The following MAGEB10 variants were observed in gnomAD, a reference collection of about 807,000 sequenced individuals.
The protein encoded by MAGEB10 is MAGE family member B10, also known as melanoma-associated antigen B10.
For missense variants in MAGEB10, 190 were observed against 261.9 expected (o/e 0.73, Z 1.89); for synonymous variants, 99 against 101.0 (o/e 0.98, Z 0.12).
chrX:27,810,603 G>A (rs1010241322), intron 1 of MAGEB10, among the ~76,000 whole-genome samples: 1 of 111,207 alleles, frequency 9.0e-6, no homozygotes, highest in African/African-American at 3.3e-5. Context: ...GGTGGTGGTC[G>A]TGGGGAAGGG....
chrX:27,815,000 C>T (rs749867979), intron 1 of MAGEB10, among the ~76,000 whole-genome samples: 7 of 111,903 alleles, frequency 6.3e-5, no homozygotes, highest in Non-Finnish European at 1.1e-4. Flanking sequence ...GGGGACTGCC[C>T]GTGGGCCTCA....
At chrX:27,816,579 T>G (rs1380233881) in intron 1 of MAGEB10, among the ~76,000 whole-genome samples, 1 of 111,631 alleles carries the variant, frequency 9.0e-6, no homozygotes, top group Admixed American at 9.5e-5. Context: ...AGGAAGAAAT[T>G]TTTCAGTCTC....
intron 2 of MAGEB10, among the ~76,000 whole-genome samples, chrX:27,821,008 C>T (rs1169552318): frequency 1.8e-5 from 2 of 111,351 alleles, no homozygotes; most frequent in Non-Finnish European, 3.8e-5. Flanking sequence ...AAAGGGGCCT[C>T]CACAAAGCCT....
In MAGEB10 at chrX:27,821,554, C is replaced by G. The variant is rs1326694989; in HGVS notation, c.248C>G (p.Pro83Arg). 31 of 1,208,057 alleles carry G rather than the reference C, an allele frequency of 2.6e-5. No homozygotes were observed. The highest frequency in any genetic ancestry group is 3.5e-5 in the Non-Finnish European group (31 of 894,345). Residue 83 changes from proline (P) to arginine (R), a missense_variant, in exon 3 of 3, where the codon CCC becomes CGC. Coordinates refer to ENST00000356790, the MANE Select transcript of MAGEB10 (RefSeq NM_182506.3). Reference sequence around the variant, plus strand: ...ACAGCTGCTTCACACACAAGACATCCCGAAGGAGTCAACGACCAAATGGAA... The same window carrying G: ...ACAGCTGCTTCACACACAAGACATCGCGAAGGAGTCAACGACCAAATGGAA... ...SATAASHTRH[P>R]EGVNDQMEER...
chrX:27,821,070 C>T (rs769624339), intron 2 of MAGEB10, among the ~76,000 whole-genome samples, 188 bp from the exon 3 acceptor site: 3 of 111,901 alleles, frequency 2.7e-5, no homozygotes, highest in Non-Finnish European at 3.8e-5. Context: ...GCAGATCTGG[C>T]AAGTGGCAAC....
intron 1 of MAGEB10, chrX:27,812,972 T>C (rs1316420845): frequency 6.3e-6 from 1 of 158,988 alleles, no homozygotes; most frequent in Non-Finnish European, 1.2e-5. Context: ...ACAGTCAGTG[T>C]TTCACTAGTG....
intron 2 of MAGEB10, 41 bp from the exon 3 acceptor site, chrX:27,821,217 C>T (rs774427741): frequency 1.2e-6 from 1 of 800,675 alleles, no homozygotes; most frequent in Non-Finnish European, 1.8e-6. Context: ...TTGTATCTCT[C>T]TGCTGAATGG....
Position 27,809,893 on chromosome X carries a change from A to G in MAGEB10, c.-199+1857A>G, listed in dbSNP as rs182865009. On this transcript the variant is annotated intron_variant, in intron 1 of 2. Coordinates refer to ENST00000356790, the MANE Select transcript of MAGEB10 (RefSeq NM_182506.3). ...CTAGCTCAAGGTTTGTGAATACACC[A>G]ATGGACACTCTGTATCCAGCTACTC... Among the ~76,000 whole-genome samples, 162 of 108,978 alleles carry G rather than the reference A, an allele frequency of 1.5e-3. 1 individual carries two copies. Among genetic ancestry groups the G allele is most frequent in the African/African-American group, 5.3e-3 (158 of 29,809 alleles). The allele number at this position is 108,978 out of a possible 115,157, so 94.6% of individuals were successfully genotyped here. A position where few individuals can be genotyped will look rare whatever the true frequency, so the allele number is the denominator to read the frequency against.
chrX:27,817,411 T>G (rs1318678600), intron 1 of MAGEB10, 143 bp from the exon 2 acceptor site: 2 of 111,604 alleles, frequency 1.8e-5, no homozygotes, highest in East Asian at 5.6e-4. Context: ...ACCACATTTT[T>G]TAAATCCTGC....
At chrX:27,820,766 C>T (rs1257637431) in intron 2 of MAGEB10, among the ~76,000 whole-genome samples, 1 of 111,235 alleles carries the variant, frequency 9.0e-6, no homozygotes, top group African/African-American at 3.3e-5. Flanking sequence ...AATGAGAACA[C>T]TAAGGATCCC....
intron 1 of MAGEB10, among the ~76,000 whole-genome samples, chrX:27,809,378 A>ACCCCGCCAGC (rs1923612233): frequency 4.6e-5 from 1 of 21,626 alleles, no homozygotes; most frequent in African/African-American, 2.0e-4. Flanking sequence ...AGCCTCTCCC[A>ACCCCGCCAGC]CCCCCCCAAC....
rs1354262180 is a variant in MAGEB10, at chrX:27,810,137, C to T, written c.-199+2101C>T. Among the ~76,000 whole-genome samples the T allele has an allele frequency of 2.7e-5, 3 of 111,470 alleles. No individual in the cohort carries two copies. The East Asian group carries it at 8.6e-4, about 32-fold the overall frequency. On this transcript the variant is annotated intron_variant, in intron 1 of 2. Transcript: ENST00000356790. The stretch of plus-strand genomic sequence containing the variant: ...AGGCTGCCCGAGCCAGCCTTGGCAA[C>T]CCGCTGGGGTCCCCTTCCAAACTGT...
At chrX:27,816,416 C>A (rs898525893) in intron 1 of MAGEB10, among the ~76,000 whole-genome samples, 1 of 111,781 alleles carries the variant, frequency 8.9e-6, no homozygotes, top group Non-Finnish European at 1.9e-5. Flanking sequence ...AATTCGCCAT[C>A]ATTCTCCTGA....
At chrX:27,808,864 A>G (rs1923597945) in intron 1 of MAGEB10, among the ~76,000 whole-genome samples, 2 of 111,970 alleles carry the variant, frequency 1.8e-5, no homozygotes, top group Non-Finnish European at 3.8e-5. Context: ...GATCCTAAGT[A>G]GGGGTAGCTG....
chrX:27,816,332 TATTC>T (rs754537234), intron 1 of MAGEB10, among the ~76,000 whole-genome samples: 6 of 112,132 alleles, frequency 5.4e-5, no homozygotes, highest in Non-Finnish European at 7.5e-5. Flanking sequence ...GTGGAGCAAT[TATTC>T]AGTCTACCAC....
At chrX:27,815,765 T>C (rs748119911) in intron 1 of MAGEB10, among the ~76,000 whole-genome samples, 1 of 111,980 alleles carries the variant, frequency 8.9e-6, no homozygotes, top group South Asian at 3.8e-4. Flanking sequence ...AGTAAGACAC[T>C]TAAAATAACA....
At chrX:27,816,363 T>A (rs1923784183) in intron 1 of MAGEB10, among the ~76,000 whole-genome samples, 1 of 112,096 alleles carries the variant, frequency 8.9e-6, no homozygotes, top group Admixed American at 9.5e-5. Context: ...AGAATATGTC[T>A]CTCTGGCAGA....
In MAGEB10 at chrX:27,822,543, T is replaced by C; in HGVS notation, c.*193T>C. 1 of 421,823 alleles carries C rather than the reference T, an allele frequency of 2.4e-6. No individual in the cohort carries two copies. The highest frequency in any genetic ancestry group is 5.9e-5 in the South Asian group (1 of 16,827). 34.8% of individuals were successfully genotyped at this position (421,823 alleles called of 1,213,427 possible). A position where few individuals can be genotyped will look rare whatever the true frequency, so the allele number is the denominator to read the frequency against. ...TAGCTTCACTATCTAAGTTTATGAA[T>C]GACATTGCTCAAATTTTTCTGTATG... On this transcript the variant is annotated 3_prime_UTR_variant, in exon 3 of 3. Coordinates refer to ENST00000356790, the MANE Select transcript of MAGEB10 (RefSeq NM_182506.3).
At chrX:27,814,708 C>CTTATCAA (rs780947071) in intron 1 of MAGEB10, among the ~76,000 whole-genome samples, 15 of 111,817 alleles carry the variant, frequency 1.3e-4, no homozygotes, top group South Asian at 7.4e-4. Context: ...CAAGGCAAGG[C>CTTATCAA]TTATCAAGGT....
Sources: allele counts gnomAD v4.1 joint callset (sites outside exome capture counted in the v4.1 genomes callset), GRCh38; gene constraint gnomAD v4.1.1; transcripts MANE v1.5; gene names NCBI Gene and HGNC (gene_info 2026-07-23, HGNC 2026-07-21).